The following PCDH17 variants were observed in gnomAD, a reference collection of about 807,000 sequenced individuals.
The protein encoded by PCDH17 is protocadherin 17.
In PCDH17, 21 loss-of-function variants were observed where a neutral mutation model predicts 67.7. The ratio of observed to expected loss-of-function variants is 0.31; its 90% CI spans 0.22 to 0.45. PCDH17 has a LOEUF of 0.45. Ranked by LOEUF, PCDH17 falls within the 20% of genes least tolerant of loss-of-function variation. The pLI is 1.00. For synonymous variants in PCDH17, 701 were observed against 656.7 expected (o/e 1.07, Z -1.03); for missense variants, 1,471 against 1,564.8 (o/e 0.94, Z 1.01).
At chr13:57,723,265 C>G (rs1955886193) in intron 3 of PCDH17, among the ~76,000 whole-genome samples, 1 of 53,168 alleles carries the variant, frequency 1.9e-5, no homozygotes, top group South Asian at 9.3e-4. Flanking sequence ...TTGATTTCTT[C>G]CTAAAAATTT....
intron 3 of PCDH17, among the ~76,000 whole-genome samples, chr13:57,675,775 G>C (rs1436487570): frequency 2.6e-5 from 4 of 151,612 alleles, no homozygotes; most frequent in Non-Finnish European, 4.4e-5. Flanking sequence ...GCCTGATAGA[G>C]AGCCATTAGG....
At position 57,633,591 on chromosome 13, in the gene PCDH17, C is replaced by G. The variant is rs767498599; in HGVS notation, c.1045C>G (p.Pro349Ala). 1.2e-6 allele frequency: 2 copies of G among 1,612,952 alleles called. No individual in the cohort carries two copies. Among genetic ancestry groups the G allele is most frequent in the Non-Finnish European group, 1.7e-6 (2 of 1,180,044 alleles). Residue 349 changes from proline to alanine, a missense_variant, in exon 1 of 4, where the codon CCG (proline) becomes GCG (alanine). Transcript: ENST00000377918. This position sits in a 1 kb window ranked among gnomAD's most constrained non-coding sequence, Gnocchi z 6.2. ...GCTCATCGACCGCAACGACAATGCG[C>G]CGTCCATCGGTTTCGTCTCCGTGCG... is the stretch of plus-strand genomic sequence containing the variant. ...VKLIDRNDNA[P>A]SIGFVSVRQG...
intron 1 of PCDH17, among the ~76,000 whole-genome samples, chr13:57,661,821 C>CT (rs1293600676): frequency 6.6e-6 from 1 of 152,046 alleles, no homozygotes; most frequent in Non-Finnish European, 1.5e-5. Flanking sequence ...ACTCGTTTGG[C>CT]AATACTGCAG....
chr13:57,712,704 C>T (rs754673893), intron 3 of PCDH17, among the ~76,000 whole-genome samples: 1 of 151,418 alleles, frequency 6.6e-6, no homozygotes, highest in African/African-American at 2.4e-5. Flanking sequence ...ATAAGAAAAA[C>T]TCAAATATAG....
At position 57,648,678 on chromosome 13, in the gene PCDH17, G is replaced by C. The variant is rs183597117; in HGVS notation, c.2565+13567G>C. On this transcript the variant is annotated intron_variant, in intron 1 of 3. Coordinates refer to ENST00000377918, the MANE Select transcript of PCDH17 (RefSeq NM_001040429.3). ...TAGAGGGACTGCTCAAGCTTTTATT[G>C]TTTTTTTATGTGCAAATTCCTACCT... Among the ~76,000 whole-genome samples the C allele has an allele frequency of 8.6e-4, 131 of 151,872 alleles. 1 individual carries two copies. The highest frequency in any genetic ancestry group is 3.1e-3 in the African/African-American group (130 of 41,462).
At chr13:57,716,372 G>T (rs2138095953) in intron 3 of PCDH17, among the ~76,000 whole-genome samples, 1 of 151,948 alleles carries the variant, frequency 6.6e-6, no homozygotes, top group South Asian at 2.1e-4. Flanking sequence ...ACATTGTTAT[G>T]TCAAGTGTTG....
At chr13:57,691,682 C>G (rs947608510) in intron 3 of PCDH17, among the ~76,000 whole-genome samples, 7 of 151,134 alleles carry the variant, frequency 4.6e-5, no homozygotes, top group African/African-American at 1.7e-4. Flanking sequence ...TCACACATCT[C>G]CCCTGTGTAT....
intron 3 of PCDH17, among the ~76,000 whole-genome samples, chr13:57,678,126 ACT>A (rs1174624547): frequency 2.1e-5 from 3 of 143,952 alleles, no homozygotes; most frequent in African/African-American, 7.7e-5. Context: ...TAACTATTTC[ACT>A]CTCTCTCTCT....
intron 1 of PCDH17, among the ~76,000 whole-genome samples, chr13:57,665,265 G>GA (rs5803840): frequency 0.84 from 128,023 of 151,966 alleles, 54,241 homozygotes; most frequent in African/African-American, 0.93. Context: ...ATTCTTTAAT[G>GA]TATCAATACT....
At chr13:57,662,436 T>A (rs1955195334) in intron 1 of PCDH17, among the ~76,000 whole-genome samples, 1 of 152,170 alleles carries the variant, frequency 6.6e-6, no homozygotes, top group African/African-American at 2.4e-5. Context: ...TTTATAATGT[T>A]CAGCATACAG....
intron 3 of PCDH17, among the ~76,000 whole-genome samples, chr13:57,710,721 A>G (rs912286884): frequency 4.6e-5 from 7 of 151,938 alleles, no homozygotes; most frequent in Admixed American, 1.3e-4. Flanking sequence ...GGAGAAAATG[A>G]TTATATCAGG....
At position 57,635,016 on chromosome 13, in the gene PCDH17, A is replaced by C. The variant is rs1280031924; in HGVS notation, c.2470A>C (p.Thr824Pro). 1.9e-6 allele frequency: 3 copies of C among 1,613,432 alleles called. No homozygotes were observed. Among genetic ancestry groups the C allele is most frequent in the Non-Finnish European group, 2.5e-6 (3 of 1,179,976 alleles). Residue 824 changes from threonine to proline, a missense_variant, in exon 1 of 4, where the codon ACT becomes CCT. This residue lies in a region of PCDH17 where 1,163 missense variants were observed against 1,230.0 expected (regional missense o/e 0.95). Coordinates refer to ENST00000377918, the MANE Select transcript of PCDH17 (RefSeq NM_001040429.3). ...MYLKPASNNL[T>P]VPQGHAGCHT... Reference sequence around the variant, plus strand: ...TCTCAAACCGGCCTCCAACAACCTGACTGTCCCTCAGGGGCACGCGGGCTG... The same window carrying C: ...TCTCAAACCGGCCTCCAACAACCTGCCTGTCCCTCAGGGGCACGCGGGCTG...
chr13:57,674,339 T>A (rs1955361627), intron 3 of PCDH17, among the ~76,000 whole-genome samples: 1 of 152,004 alleles, frequency 6.6e-6, no homozygotes, highest in Admixed American at 6.6e-5. Context: ...ATTTTATTTC[T>A]TTCTAGAGAC....
intron 1 of PCDH17, among the ~76,000 whole-genome samples, chr13:57,658,956 T>G (rs1032297197): frequency 2.6e-5 from 4 of 152,176 alleles, no homozygotes; most frequent in Non-Finnish European, 5.9e-5. Context: ...CATTGCCTCC[T>G]GTGTCTCCGC....
chr13:57,664,235 T>C (rs1955221762), intron 1 of PCDH17, among the ~76,000 whole-genome samples: 1 of 152,070 alleles, frequency 6.6e-6, no homozygotes, highest in Admixed American at 6.6e-5. Context: ...TCTTGTTCTC[T>C]CCCAAACACC....
At chr13:57,688,895 A>G (rs915217234) in intron 3 of PCDH17, among the ~76,000 whole-genome samples, 4 of 152,070 alleles carry the variant, frequency 2.6e-5, no homozygotes, top group African/African-American at 9.6e-5. Context: ...ACATATGGAG[A>G]AGTTTTGCTA....
chr13:57,634,843 A>G lies in PCDH17; in HGVS notation c.2297A>G (p.Asp766Gly), dbSNP rs562389528. 1 of 1,614,050 alleles carries G rather than the reference A, an allele frequency of 6.2e-7. No individual in the cohort carries two copies. Among genetic ancestry groups the G allele is most frequent in the South Asian group, 1.1e-5 (1 of 91,068 alleles). Reference sequence around the variant, plus strand: ...AAGAAGAAGAAGATCAACAAAAATGATATCATGCTGGTGCAGAGCGAAGTG... The same window carrying G: ...AAGAAGAAGAAGATCAACAAAAATGGTATCATGCTGGTGCAGAGCGAAGTG... ...KGKKKKINKN[D>G]IMLVQSEVEE... is the part of the protein sequence containing the mutation. The change falls in exon 1 of 4, where the codon GAT becomes GGT. Residue 766 changes from aspartate (D) to glycine (G), a missense_variant. Physicochemically the swap from Asp to Gly is moderately conservative, Grantham distance 94 (BLOSUM62 -1). Transcript: ENST00000377918. This position sits in a 1 kb window ranked among gnomAD's most constrained non-coding sequence, Gnocchi z 7.8.
intron 3 of PCDH17, among the ~76,000 whole-genome samples, chr13:57,668,624 G>T (rs1352307271): frequency 6.6e-6 from 1 of 152,002 alleles, no homozygotes; most frequent in Non-Finnish European, 1.5e-5. Flanking sequence ...ATTGAAAATT[G>T]AAGTCTAGGG....
chr13:57,724,981 G>A lies in PCDH17; in HGVS notation c.3167G>A (p.Gly1056Asp), dbSNP rs201289518. The A allele has an allele frequency of 1.2e-4, 186 of 1,614,168 alleles. 1 individual carries two copies. The highest frequency in any genetic ancestry group is 1.1e-3 in the South Asian group (100 of 91,084). ...ACCTCAACAAAAGGCTCCCTGGATG[G>A]CTGTGAAGCAAAACCAGGAGCCCTG... ...PCTSTKGSLD[G>D]CEAKPGALAE... The change falls in exon 4 of 4, where the codon GGC becomes GAC. Residue 1056 changes from glycine to aspartate, a missense_variant. Gly to Asp is a moderately conservative substitution (Grantham distance 94). Around this residue, in one of 3 missense-constraint regions of PCDH17, gnomAD observed 297 missense variants for 298.6 expected, o/e 0.99. Transcript: ENST00000377918.
Sources: gnomAD v4.1 joint callset for allele counts (sites outside exome capture counted in the v4.1 genomes callset) on GRCh38, gnomAD v4.1.1 for gene constraint, gnomAD v4.1.1 regional missense constraint, Gnocchi (gnomAD v3.1) non-coding constraint, MANE v1.5 for transcripts, NCBI Gene and HGNC (gene_info 2026-07-23, HGNC 2026-07-21) for gene names.